The following ABCA6 variants were observed in gnomAD, a reference collection of about 807,000 sequenced individuals.
ABCA6 encodes ATP binding cassette subfamily A member 6.
Under a neutral mutation model 191.2 loss-of-function variants are expected in ABCA6, and 164 were observed. The ratio of observed to expected loss-of-function variants is 0.86; its 90% CI spans 0.76 to 0.98. The LOEUF is 0.98. Among genes scored for constraint, ABCA6 ranks in the 50% least tolerant of loss-of-function variants. The pLI is 0.00. For synonymous variants in ABCA6, 636 were observed against 647.7 expected, an observed-to-expected ratio of 0.98 and a Z score of 0.27; for missense variants, 1,958 against 1,894.1, an observed-to-expected ratio of 1.03 and a Z score of -0.63.
In ABCA6 at chr17:69,114,814, A is replaced by AGGTTTTCCTTCAC; in HGVS notation, c.1717_1729dup (p.Leu577ArgfsTer10). Reference sequence around the variant, plus strand: ...CCCTTTTATTTTAGCAAACAGGCTGAGGTTTTCCTTCACGGTGAGTATGTC... The same window carrying AGGTTTTCCTTCAC: ...CCCTTTTATTTTAGCAAACAGGCTGAGGTTTTCCTTCACGGTTTTCCTTCACGGTGAGTATGTC... On this transcript the variant is annotated frameshift_variant, in exon 13 of 39. Transcript: ENST00000284425. LOFTEE classifies it high-confidence loss of function. The AGGTTTTCCTTCAC allele has an allele frequency of 6.2e-7, 1 of 1,612,698 alleles. No individual in the cohort carries two copies. The highest frequency in any genetic ancestry group is 8.5e-7 in the Non-Finnish European group (1 of 1,179,238).
chr17:69,085,953 T>G (rs1778483486), intron 30 of ABCA6, among the ~76,000 whole-genome samples: 1 of 152,202 alleles, frequency 6.6e-6, no homozygotes, highest in African/African-American at 2.4e-5. Flanking sequence ...TCCCCCCAGA[T>G]TACTTGTTTC....
chr17:69,140,544 A>C (rs2074010896), intron 2 of ABCA6, 64 bp downstream of exon 2: 7 of 907,178 alleles, frequency 7.7e-6, no homozygotes, highest in Non-Finnish European at 1.1e-5. Context: ...ACATAAGAGA[A>C]TCAGTAGGTA....
rs762770112 is a variant in ABCA6 at position 69,084,278 on chromosome 17, T to C, written c.4338A>G (p.Thr1446=). The change falls in exon 34 of 39, where the codon ACA becomes ACG. Residue 1446 remains threonine, a synonymous_variant. Transcript: ENST00000284425. ...ATGCTCACCACATTTGCTGCTGCCC[T>C]GTGGGGTCTATGCCCGTAGATGGTT... ...LDEPSTGIDP[T]GQQQMWQAIQ... is the part of the protein sequence containing the mutation. 3 of 1,614,164 alleles carry C rather than the reference T, an allele frequency of 1.9e-6. No homozygotes were observed. Among genetic ancestry groups the C allele is most frequent in the Admixed American group, 1.7e-5 (1 of 60,020 alleles).
intron 9 of ABCA6, 137 bp downstream of exon 9, chr17:69,124,751 T>C: frequency 2.2e-6 from 1 of 459,158 alleles, no homozygotes; most frequent in Non-Finnish European, 3.7e-6. Context: ...ATTAGAACTA[T>C]GAAGTAGAAA....
chr17:69,094,087 G>A (rs1313234861), intron 25 of ABCA6, among the ~76,000 whole-genome samples: 1 of 152,114 alleles, frequency 6.6e-6, no homozygotes, highest in East Asian at 1.9e-4. Context: ...AAAATACAGT[G>A]TTTCTCAGTG....
Position 69,081,100 on chromosome 17 carries a change from G to T in ABCA6, c.4662C>A (p.Tyr1554Ter). The T allele has an allele frequency of 1.2e-6, 2 of 1,605,296 alleles. No individual in the cohort carries two copies. The highest frequency in any genetic ancestry group is 1.7e-6 in the Non-Finnish European group (2 of 1,175,846). ...LTYKLPVADV[Y>*]PLSQTFHKLE... ...ATTTGTGAAAGGTCTGTGATAGAGG[G>T]TAAACGTCTGCCACGGGCAGCTTAT... Residue 1554 changes from tyrosine (Y) to a stop codon, truncating the protein, a stop_gained, in exon 37 of 39, where the codon TAC becomes TAA. Coordinates refer to ENST00000284425, the MANE Select transcript of ABCA6 (RefSeq NM_080284.3). LOFTEE classifies it high-confidence loss of function.
At chr17:69,135,717 A>T in intron 4 of ABCA6, 1 of 341,550 alleles carries the variant, frequency 2.9e-6, no homozygotes, top group Non-Finnish European at 5.2e-6. Flanking sequence ...GACTTCTCTA[A>T]TCCCACTATT....
intron 11 of ABCA6, among the ~76,000 whole-genome samples, chr17:69,117,543 A>C (rs1233474874): frequency 6.6e-6 from 1 of 152,042 alleles, no homozygotes; most frequent in Non-Finnish European, 1.5e-5. Context: ...AGTACATATA[A>C]ACTATGTAAA....
chr17:69,114,871 G>A lies in ABCA6; in HGVS notation c.1673C>T (p.Thr558Ile). 6.2e-7 allele frequency: 1 copy of A among 1,612,440 alleles called. No individual in the cohort carries two copies. Among genetic ancestry groups the A allele is most frequent in the Middle Eastern group, 1.7e-4 (1 of 6,044 alleles). The change falls in exon 13 of 39, where the codon ACT (threonine) becomes ATT (isoleucine). Residue 558 changes from threonine to isoleucine, a missense_variant. By Grantham distance (89) the Thr-to-Ile change is moderately conservative. Coordinates refer to ENST00000284425, the MANE Select transcript of ABCA6 (RefSeq NM_080284.3). The part of the protein sequence containing the change: ...MQDLEEIRKI[T>I]GVCPQFNVQF... Reference sequence around the variant, plus strand: ...AACATTGAATTGAGGACAGACGCCAGTTATCTTTCTGATTTCCTCCAAGTC... The same window carrying A: ...AACATTGAATTGAGGACAGACGCCAATTATCTTTCTGATTTCCTCCAAGTC...
At chr17:69,085,802 T>TCA in intron 30 of ABCA6, 86 bp from the exon 31 acceptor site, 2 of 887,006 alleles carry the variant, frequency 2.3e-6, no homozygotes, top group Non-Finnish European at 3.7e-6. Flanking sequence ...TTCTGAGATT[T>TCA]CTGCACCCTT....
At chr17:69,135,248 T>C (rs1368071990) in intron 4 of ABCA6, 1 of 153,770 alleles carries the variant, frequency 6.5e-6, no homozygotes, top group African/African-American at 2.4e-5. Context: ...AAAGCAATTT[T>C]ATTCTTGCAG....
At chr17:69,084,224 G>A in intron 34 of ABCA6, 37 bp downstream of exon 34, 1 of 1,597,150 alleles carries the variant, frequency 6.3e-7, no homozygotes, top group African/African-American at 1.3e-5. Context: ...CTTCCCTAAT[G>A]TGCATGCTCG....
At chr17:69,132,335 G>C (rs1393048950) in intron 6 of ABCA6, among the ~76,000 whole-genome samples, 2 of 152,042 alleles carry the variant, frequency 1.3e-5, no homozygotes, top group African/African-American at 4.8e-5. Context: ...ACTTTTTCTA[G>C]ACAGACAGTA....
At chr17:69,116,985 T>C (rs2073549706) in intron 11 of ABCA6, among the ~76,000 whole-genome samples, 1 of 152,114 alleles carries the variant, frequency 6.6e-6, no homozygotes, top group African/African-American at 2.4e-5. Flanking sequence ...TAGTTCAAAA[T>C]GTGCTCCAAA....
chr17:69,087,768 G>A (rs553394697), intron 28 of ABCA6: 54 of 444,796 alleles, frequency 1.2e-4, no homozygotes, highest in African/African-American at 1.1e-3. Flanking sequence ...TCTCTACTCA[G>A]TCTGAGCTCA....
At position 69,091,156 on chromosome 17, in the gene ABCA6, G is replaced by A; in HGVS notation, c.3515C>T (p.Thr1172Ile). 1 of 1,608,432 alleles carries A rather than the reference G, an allele frequency of 6.2e-7. No homozygotes were observed. The highest frequency in any genetic ancestry group is 8.5e-7 in the Non-Finnish European group (1 of 1,178,376). ...VPSYTLLGFK[T>I]FLEVRDQEHY... ...AACATTTCTTACCACTTCCAAAAAA[G>A]TTTTAAATCCAAGCAAGGTATATGA... The change falls in exon 26 of 39, where the codon ACT becomes ATT. Residue 1172 changes from threonine (T) to isoleucine (I), a missense_variant. By Grantham distance (89) the Thr-to-Ile change is moderately conservative. Transcript: ENST00000284425.
At chr17:69,134,886 G>GT (rs1454692425) in intron 4 of ABCA6, 144 bp from the exon 5 acceptor site, 2 of 126,074 alleles carry the variant, frequency 1.6e-5, no homozygotes, top group African/African-American at 5.0e-4. Context: ...TGTTGTGGTT[G>GT]TCTTTTTTTT....
intron 18 of ABCA6, among the ~76,000 whole-genome samples, chr17:69,106,448 C>T (rs1038024681): frequency 1.3e-5 from 2 of 151,890 alleles, no homozygotes; most frequent in African/African-American, 4.8e-5. Context: ...CAAAACTTAG[C>T]TGGGCGTGGT....
At chr17:69,118,815 T>C (rs756874901) in intron 10 of ABCA6, among the ~76,000 whole-genome samples, 121 of 151,974 alleles carry the variant, frequency 8.0e-4, no homozygotes, top group Non-Finnish European at 1.5e-3. Context: ...TCTCCAGAAG[T>C]TTTCTCGTTG....
Sources: allele counts gnomAD v4.1 joint callset (sites outside exome capture counted in the v4.1 genomes callset), GRCh38; gene constraint gnomAD v4.1.1; transcripts MANE v1.5; gene names NCBI Gene and HGNC (gene_info 2026-07-23, HGNC 2026-07-21).